Variants in CYRIA observed in about 807,000 individuals in gnomAD.
CYRIA encodes CYFIP-related Rac1 interactor A.
Under a neutral mutation model 43.9 loss-of-function variants are expected in CYRIA, and 15 were observed. That is an observed-to-expected ratio of 0.34 (90% CI 0.23 to 0.53). CYRIA has a LOEUF of 0.53. CYRIA is among the 20% of genes least tolerant of loss of function. The pLI, the probability that CYRIA is intolerant of heterozygous loss-of-function variation, is 0.94. For missense variants in CYRIA, 236 were observed against 394.2 expected (o/e 0.60, Z 3.40); for synonymous variants, 117 against 136.0 (o/e 0.86, Z 0.97).
intron 2 of CYRIA, among the ~76,000 whole-genome samples, chr2:16,603,339 C>G (rs775064929): frequency 1.3e-5 from 2 of 152,152 alleles, no homozygotes; most frequent in East Asian, 3.9e-4. Context: ...TTTACAACAA[C>G]CATATGAAAT....
intron 1 of CYRIA, among the ~76,000 whole-genome samples, chr2:16,636,537 G>A (rs1305581872): frequency 3.3e-5 from 5 of 152,074 alleles, no homozygotes; most frequent in East Asian, 1.9e-4. Flanking sequence ...CCCCAGGCCC[G>A]GTCCCGAGTT....
intron 1 of CYRIA, among the ~76,000 whole-genome samples, chr2:16,652,646 G>A (rs1670006785): frequency 6.6e-6 from 1 of 152,190 alleles, no homozygotes; most frequent in African/African-American, 2.4e-5. Flanking sequence ...TCAGCAAAGT[G>A]GAGAGTGGAA....
At chr2:16,585,473 T>C (rs79862951) in intron 3 of CYRIA, among the ~76,000 whole-genome samples, 9,347 of 152,234 alleles carry the variant, frequency 0.061, 305 homozygotes, top group Middle Eastern at 0.092. Flanking sequence ...AAGTTAGTCT[T>C]ATCCATAGGA....
chr2:16,611,014 T>C (rs1011976655), intron 2 of CYRIA, among the ~76,000 whole-genome samples: 26 of 150,388 alleles, frequency 1.7e-4, no homozygotes, highest in African/African-American at 5.9e-4. Flanking sequence ...GGACAGGTGT[T>C]AATCATCAAT....
chr2:16,560,789 C>A, intron 9 of CYRIA: 1 of 585,380 alleles, frequency 1.7e-6, no homozygotes, highest in Non-Finnish European at 3.0e-6. Context: ...GTCAGTCAAC[C>A]ACTTTGGGCC....
chr2:16,624,959 C>T (rs899471320), intron 1 of CYRIA, among the ~76,000 whole-genome samples: 1 of 152,178 alleles, frequency 6.6e-6, no homozygotes, highest in Non-Finnish European at 1.5e-5. Context: ...AATGCAGAAG[C>T]AGAAATAAAC....
intron 2 of CYRIA, among the ~76,000 whole-genome samples, chr2:16,611,220 C>G (rs1668592371): frequency 6.7e-6 from 1 of 149,674 alleles, no homozygotes; most frequent in African/African-American, 2.5e-5. Context: ...AAAAAAATAG[C>G]TGGGTGTGGT....
At chr2:16,568,985 C>T (rs2103424198) in intron 3 of CYRIA, among the ~76,000 whole-genome samples, 1 of 152,224 alleles carries the variant, frequency 6.6e-6, no homozygotes, top group Non-Finnish European at 1.5e-5. Flanking sequence ...GATTTCAAGT[C>T]AGTCTTTAAA....
At chr2:16,643,543 T>C (rs533488585) in intron 1 of CYRIA, among the ~76,000 whole-genome samples, 17 of 152,226 alleles carry the variant, frequency 1.1e-4, no homozygotes, top group South Asian at 4.1e-4. Flanking sequence ...ACGATGTAAA[T>C]GAAACACACT....
intron 2 of CYRIA, among the ~76,000 whole-genome samples, chr2:16,619,229 T>C (rs1181877396): frequency 6.6e-6 from 1 of 152,194 alleles, no homozygotes. Context: ...GGAGGTCAAC[T>C]GCACCATGCT....
chr2:16,644,849 C>T (rs1669774991), intron 1 of CYRIA, among the ~76,000 whole-genome samples: 1 of 152,110 alleles, frequency 6.6e-6, no homozygotes, highest in Non-Finnish European at 1.5e-5. Context: ...ATAAAGACAG[C>T]CCTGCCCCAC....
chr2:16,579,471 T>C (rs1667473373), intron 3 of CYRIA, among the ~76,000 whole-genome samples: 1 of 151,630 alleles, frequency 6.6e-6, no homozygotes, highest in Non-Finnish European at 1.5e-5. Context: ...TCTTAAATGA[T>C]AATTGACAAT....
chr2:16,615,225 T>C (rs1558427795), intron 2 of CYRIA, among the ~76,000 whole-genome samples: 1 of 152,206 alleles, frequency 6.6e-6, no homozygotes, highest in Non-Finnish European at 1.5e-5. Flanking sequence ...TTTAATCGAA[T>C]CCTCAGTGTC....
In CYRIA at chr2:16,588,145, C is replaced by T; in HGVS notation, c.-10-16G>A. 6.5e-7 allele frequency: 1 copy of T among 1,544,086 alleles called. No individual in the cohort carries two copies. The highest frequency in any genetic ancestry group is 8.9e-7 in the Non-Finnish European group (1 of 1,126,442). The stretch of plus-strand genomic sequence containing the variant: ...CCCAGCAAACCTAGGAAAGGCAACA[C>T]AAAACCAAATACCATTAGCAACATA... On this transcript the variant is annotated splice_polypyrimidine_tract_variant and intron_variant, in intron 2 of 11. Transcript: ENST00000381323.
chr2:16,628,199 T>G (rs1051398725), intron 1 of CYRIA, among the ~76,000 whole-genome samples: 8 of 152,214 alleles, frequency 5.3e-5, no homozygotes, highest in African/African-American at 1.9e-4. Context: ...TGGCAGGTTA[T>G]GATTTGTCAG....
At chr2:16,660,562 G>A (rs928068390) in intron 1 of CYRIA, among the ~76,000 whole-genome samples, 21 of 152,154 alleles carry the variant, frequency 1.4e-4, no homozygotes, top group African/African-American at 4.6e-4. Flanking sequence ...TGAGGGCAGG[G>A]GTAATGTCAT....
At chr2:16,613,601 G>A (rs1228789599) in intron 2 of CYRIA, among the ~76,000 whole-genome samples, 1 of 149,908 alleles carries the variant, frequency 6.7e-6, no homozygotes, top group Non-Finnish European at 1.5e-5. Flanking sequence ...GCTTTTCTCT[G>A]GGCAAATGCA....
chr2:16,555,630 G>C (rs1666480262), intron 10 of CYRIA, among the ~76,000 whole-genome samples: 1 of 152,026 alleles, frequency 6.6e-6, no homozygotes, highest in South Asian at 2.1e-4. Flanking sequence ...ACTTATTTTA[G>C]ACCCAGCTGA....
chr2:16,663,635 G>A (rs1438299247), intron 1 of CYRIA, among the ~76,000 whole-genome samples: 1 of 151,764 alleles, frequency 6.6e-6, no homozygotes, highest in Non-Finnish European at 1.5e-5. Context: ...CTAGGCCTGG[G>A]AGCAAATGCA....
Sources: gnomAD v4.1 joint callset for allele counts (sites outside exome capture counted in the v4.1 genomes callset) on GRCh38, gnomAD v4.1.1 for gene constraint, MANE v1.5 for transcripts, NCBI Gene and HGNC (gene_info 2026-07-23, HGNC 2026-07-21) for gene names.